LRP1B: variants seen among roughly 807,000 people sequenced by gnomAD.
The protein encoded by LRP1B is LDL receptor related protein 1B.
Under a neutral mutation model 556.6 loss-of-function variants are expected in LRP1B, and 217 were observed. The ratio of observed to expected loss-of-function variants is 0.39; its 90% CI spans 0.35 to 0.44. The LOEUF (loss-of-function observed/expected upper bound fraction) is 0.44, where lower values mean the gene tolerates loss of function less well. Ranked by LOEUF, LRP1B falls within the 20% of genes least tolerant of loss-of-function variation. The pLI is 1.00. For missense variants in LRP1B, 5,053 were observed against 5,620.8 expected, an observed-to-expected ratio of 0.90 and a Z score of 3.23; for synonymous variants, 2,047 against 1,865.8, an observed-to-expected ratio of 1.10 and a Z score of -2.50.
At chr2:141,236,534 T>C (rs1244240524) in intron 5 of LRP1B, among the ~76,000 whole-genome samples, 1 of 152,194 alleles carries the variant, frequency 6.6e-6, no homozygotes, top group Non-Finnish European at 1.5e-5. Flanking sequence ...AGATCTGTTT[T>C]CCAGCATGGT....
At chr2:141,455,189 A>G (rs1256831359) in intron 3 of LRP1B, among the ~76,000 whole-genome samples, 1 of 151,964 alleles carries the variant, frequency 6.6e-6, no homozygotes, top group African/African-American at 2.4e-5. Context: ...AGACTGATGT[A>G]TTTAATCAAT....
intron 2 of LRP1B, among the ~76,000 whole-genome samples, chr2:141,740,102 T>C (rs1294506161): frequency 6.6e-6 from 1 of 152,176 alleles, no homozygotes; most frequent in Non-Finnish European, 1.5e-5. Flanking sequence ...CATTGTTTCA[T>C]TAAGTGATAA....
In LRP1B at chr2:140,234,815, A is replaced by T. The variant is rs761390284; in HGVS notation, c.13630T>A (p.Ser4544Thr). 4 of 775,550 alleles carry T rather than the reference A, an allele frequency of 5.2e-6. No homozygotes were observed. The highest frequency in any genetic ancestry group is 9.6e-6 in the Non-Finnish European group (4 of 414,808). 48.0% of individuals were successfully genotyped at this position (775,550 alleles called of 1,614,324 possible). Residue 4544 changes from serine to threonine, a missense_variant, in exon 90 of 91, where the codon TCT becomes ACT. Ser to Thr is a moderately conservative substitution (Grantham distance 58). Around this residue, in one of 5 missense-constraint regions of LRP1B, gnomAD observed 551 missense variants for 592.0 expected, o/e 0.93. Coordinates refer to ENST00000389484, the MANE Select transcript of LRP1B (RefSeq NM_018557.3). Reference sequence around the variant, plus strand: ...GCAGTTAGTGGTCCTTTCAAATCAGAGTTTAGGTAGATGGGCGGCGCTGTG... The same window carrying T: ...GCAGTTAGTGGTCCTTTCAAATCAGTGTTTAGGTAGATGGGCGGCGCTGTG... ...PHTAPPIYLN[S>T]DLKGPLTAGP...
intron 1 of LRP1B, among the ~76,000 whole-genome samples, chr2:141,916,116 A>G (rs1700024600): frequency 6.6e-6 from 1 of 152,156 alleles, no homozygotes; most frequent in African/African-American, 2.4e-5. Context: ...AAAAAAACAC[A>G]AGCACTCATA....
intron 1 of LRP1B, among the ~76,000 whole-genome samples, chr2:141,940,592 C>G (rs1700768007): frequency 6.6e-6 from 1 of 152,128 alleles, no homozygotes; most frequent in Admixed American, 6.5e-5. Context: ...ATCCTGACTT[C>G]TATTCATGAT....
intron 3 of LRP1B, among the ~76,000 whole-genome samples, chr2:141,404,982 C>T (rs907291142): frequency 6.6e-6 from 1 of 151,682 alleles, no homozygotes; most frequent in African/African-American, 2.4e-5. Flanking sequence ...GTCCCAGCTA[C>T]TCGGGAGGCT....
intron 60 of LRP1B, among the ~76,000 whole-genome samples, chr2:140,473,981 AC>A (rs1687867658): frequency 6.6e-6 from 1 of 151,894 alleles, no homozygotes; most frequent in African/African-American, 2.4e-5. Flanking sequence ...TCTTTAAATA[AC>A]TTTTCACTTA....
At position 140,748,134 on chromosome 2, in the gene LRP1B, T is replaced by TAA. The variant is rs1381149614; in HGVS notation, c.5758+21078_5758+21079insTT. Among the ~76,000 whole-genome samples, 90 of 11,454 alleles carry TAA rather than the reference T, an allele frequency of 7.9e-3. 2 individuals carry two copies. Among genetic ancestry groups the TAA allele is most frequent in the South Asian group, 0.019 (6 of 320 alleles). 7.5% of individuals were successfully genotyped at this position (11,454 alleles called of 152,430 possible). ...ATATATATATATATATATATATATA[T>TAA]ATAATTCATATATATGTGTGTATAT... On this transcript the variant is annotated intron_variant, in intron 35 of 90. Coordinates refer to ENST00000389484, the MANE Select transcript of LRP1B (RefSeq NM_018557.3).
rs536461601 is a variant in LRP1B, at chr2:142,095,722, GAGTTT to G, written c.82+34921_82+34925del. Among the ~76,000 whole-genome samples the G allele has an allele frequency of 2.8e-3, 420 of 151,750 alleles. 3 individuals carry two copies. The highest frequency in any genetic ancestry group is 9.0e-3 in the African/African-American group (373 of 41,472). On this transcript the variant is annotated intron_variant, in intron 1 of 90. Coordinates refer to ENST00000389484, the MANE Select transcript of LRP1B (RefSeq NM_018557.3). ...ACATGTATTTTTTTGAACTGGAAAG[GAGTTT>G]AGTTAATGCTAACATTTAATGTTTA...
chr2:141,516,093 T>C (rs1034482896), intron 2 of LRP1B, among the ~76,000 whole-genome samples: 3 of 152,176 alleles, frequency 2.0e-5, no homozygotes, highest in Non-Finnish European at 4.4e-5. Flanking sequence ...TCAATTATCA[T>C]TACAGAGATT....
At chr2:142,081,989 A>C (rs1403255786) in intron 1 of LRP1B, among the ~76,000 whole-genome samples, 1 of 152,192 alleles carries the variant, frequency 6.6e-6, no homozygotes, top group East Asian at 1.9e-4. Context: ...TTTCAGACTT[A>C]AGCAGATTTG....
intron 41 of LRP1B, among the ~76,000 whole-genome samples, chr2:140,699,829 T>C (rs949259045): frequency 8.8e-5 from 13 of 147,136 alleles, no homozygotes; most frequent in Non-Finnish European, 1.8e-4. Context: ...TACACATATA[T>C]ACAGAAAAAA....
intron 3 of LRP1B, among the ~76,000 whole-genome samples, chr2:141,419,399 A>G (rs956819240): frequency 5.3e-5 from 8 of 152,130 alleles, no homozygotes; most frequent in Admixed American, 6.5e-5. Flanking sequence ...CAGTGAAGCT[A>G]TCTGGTTCTG....
At chr2:141,730,039 A>T (rs1210007603) in intron 2 of LRP1B, among the ~76,000 whole-genome samples, 1 of 152,152 alleles carries the variant, frequency 6.6e-6, no homozygotes, top group African/African-American at 2.4e-5. Context: ...AACAGACACA[A>T]AGGCAAAACT....
At chr2:140,466,505 T>C (rs1687555255) in intron 60 of LRP1B, among the ~76,000 whole-genome samples, 1 of 152,116 alleles carries the variant, frequency 6.6e-6, no homozygotes, top group Non-Finnish European at 1.5e-5. Context: ...TAGAAACAGT[T>C]ATCCTTTAAA....
intron 1 of LRP1B, among the ~76,000 whole-genome samples, chr2:141,975,486 C>A (rs1019003796): frequency 1.3e-5 from 2 of 151,912 alleles, no homozygotes; most frequent in African/African-American, 4.8e-5. Flanking sequence ...CAGAACAGAC[C>A]GTATAAATGG....
At chr2:140,321,325 C>T (rs1453305834) in intron 82 of LRP1B, among the ~76,000 whole-genome samples, 1 of 151,766 alleles carries the variant, frequency 6.6e-6, no homozygotes. Context: ...TTCTGAAATA[C>T]AAACTGCATG....
chr2:141,191,832 C>T (rs953132496), intron 6 of LRP1B, among the ~76,000 whole-genome samples: 4 of 151,702 alleles, frequency 2.6e-5, no homozygotes, highest in South Asian at 2.1e-4. Context: ...TTACAAATGT[C>T]GTTTCAAATA....
chr2:141,379,360 A>C (rs566088924), intron 3 of LRP1B, among the ~76,000 whole-genome samples: 1 of 152,316 alleles, frequency 6.6e-6, no homozygotes, highest in Admixed American at 6.5e-5. Flanking sequence ...GATCTGCCCT[A>C]GAAGAAATGT....
Sources: gnomAD v4.1 joint callset for allele counts (sites outside exome capture counted in the v4.1 genomes callset) on GRCh38, gnomAD v4.1.1 for gene constraint, gnomAD v4.1.1 regional missense constraint, MANE v1.5 for transcripts, NCBI Gene and HGNC (gene_info 2026-07-23, HGNC 2026-07-21) for gene names.